The following EGFLAM variants were observed in gnomAD, a reference collection of about 807,000 sequenced individuals.
EGFLAM encodes the protein EGF like, fibronectin type III and laminin G domains, also known as pikachurin.
A neutral mutation model predicts 113.1 loss-of-function variants in EGFLAM; 79 were observed. That is an observed-to-expected ratio of 0.70 (90% CI 0.58 to 0.84). EGFLAM has a LOEUF of 0.84. Among genes scored for constraint, EGFLAM ranks in the 40% least tolerant of loss-of-function variants. The pLI, the probability that EGFLAM is intolerant of heterozygous loss-of-function variation, is 0.00. For synonymous variants in EGFLAM, 504 were observed against 487.6 expected, an observed-to-expected ratio of 1.03 and a Z score of -0.44; for missense variants, 1,265 against 1,291.6, an observed-to-expected ratio of 0.98 and a Z score of 0.32.
intron 1 of EGFLAM, among the ~76,000 whole-genome samples, chr5:38,330,778 T>C (rs955893305): frequency 6.6e-6 from 1 of 152,170 alleles, no homozygotes; most frequent in Non-Finnish European, 1.5e-5. Context: ...TACAAGGGAC[T>C]GATAAATCAT....
intron 13 of EGFLAM, among the ~76,000 whole-genome samples, chr5:38,426,746 A>T: frequency 6.6e-6 from 1 of 152,136 alleles, no homozygotes; most frequent in East Asian, 1.9e-4. Context: ...TCCTCCACTG[A>T]TACTTGCATC....
At chr5:38,395,873 C>T (rs1276565465) in intron 6 of EGFLAM, among the ~76,000 whole-genome samples, 2 of 152,038 alleles carry the variant, frequency 1.3e-5, no homozygotes, top group African/African-American at 2.4e-5. Context: ...GGTTAGTTAC[C>T]CTGTCTCTCC....
chr5:38,462,925 A>G lies in EGFLAM; in HGVS notation c.2789A>G (p.Lys930Arg), dbSNP rs1561110098. Residue 930 changes from lysine (K) to arginine (R), a missense_variant, in exon 21 of 22, where the codon AAG becomes AGG. Coordinates refer to ENST00000322350, the MANE Select transcript of EGFLAM (RefSeq NM_152403.4). ...TTTTGCAGGGATGGCCAGTCAGGAAAGATAACCGTGGATGACTATGGAGCC... is the reference window on the plus strand; with the variant it reads ...TTTTGCAGGGATGGCCAGTCAGGAAGGATAACCGTGGATGACTATGGAGCC... ...VKAVRDGQSG[K>R]ITVDDYGART... 2 of 1,614,170 alleles carry G rather than the reference A, an allele frequency of 1.2e-6. No individual in the cohort carries two copies. The highest frequency in any genetic ancestry group is 2.2e-5 in the East Asian group (1 of 44,886).
intron 1 of EGFLAM, among the ~76,000 whole-genome samples, chr5:38,268,620 C>T (rs1003261460): frequency 6.6e-6 from 1 of 152,160 alleles, no homozygotes; most frequent in African/African-American, 2.4e-5. Flanking sequence ...TTCGTGGCTT[C>T]TTTCCCATGG....
intron 2 of EGFLAM, 36 bp from the exon 3 acceptor site, chr5:38,338,662 G>A (rs370186877): frequency 1.9e-5 from 30 of 1,599,736 alleles, no homozygotes; most frequent in Non-Finnish European, 2.5e-5. Flanking sequence ...ACAAGCACGG[G>A]CTCTGCTCTC....
chr5:38,376,907 G>C (rs1740378908), intron 6 of EGFLAM, among the ~76,000 whole-genome samples: 1 of 152,166 alleles, frequency 6.6e-6, no homozygotes, highest in South Asian at 2.1e-4. Context: ...TTGGGCTCAA[G>C]TGATCTGCCT....
rs1743377199 is a variant in EGFLAM at position 38,463,911 on chromosome 5, G to A, written c.2955G>A (p.Leu985=). 1 of 1,614,104 alleles carries A rather than the reference G, an allele frequency of 6.2e-7. No individual in the cohort carries two copies. Among genetic ancestry groups the A allele is most frequent in the African/African-American group, 1.3e-5 (1 of 74,930 alleles). Residue 985 remains leucine, a synonymous_variant, in exon 22 of 22, where the codon CTG becomes CTA. Coordinates refer to ENST00000322350, the MANE Select transcript of EGFLAM (RefSeq NM_152403.4). ...GLVGCISHFT[L]STDYHISLVE... is the part of the protein sequence containing the mutation. ...TGGGCTGTATCTCTCACTTCACCCT[G>A]TCCACCGATTACCACATTTCCCTCG...
intron 3 of EGFLAM, chr5:38,345,212 C>T (rs914729266): frequency 3.9e-5 from 6 of 152,190 alleles, no homozygotes; most frequent in African/African-American, 1.2e-4. Flanking sequence ...AATCCAGTCT[C>T]ATTGTCTGTA....
chr5:38,402,107 A>G (rs1480349822), intron 6 of EGFLAM: 1 of 152,242 alleles, frequency 6.6e-6, no homozygotes, highest in African/African-American at 2.4e-5. Flanking sequence ...TAGGAGTGGG[A>G]AAAAGATGAC....
chr5:38,448,605 C>G (rs1231370508), intron 18 of EGFLAM, among the ~76,000 whole-genome samples: 1 of 152,114 alleles, frequency 6.6e-6, no homozygotes, highest in East Asian at 1.9e-4. Flanking sequence ...TCAGATAACC[C>G]TGTTACAAAA....
chr5:38,347,481 C>A (rs1739502592), intron 3 of EGFLAM, among the ~76,000 whole-genome samples: 1 of 152,050 alleles, frequency 6.6e-6, no homozygotes, highest in Non-Finnish European at 1.5e-5. Flanking sequence ...GGAGGGGCAC[C>A]TAACCAGACT....
intron 17 of EGFLAM, among the ~76,000 whole-genome samples, chr5:38,441,350 T>C (rs1356584467): frequency 6.6e-6 from 1 of 152,150 alleles, no homozygotes; most frequent in African/African-American, 2.4e-5. Context: ...AGGCATCTTC[T>C]CCACCCCATG....
intron 14 of EGFLAM, among the ~76,000 whole-genome samples, chr5:38,430,386 AG>A (rs534888053): frequency 1.9e-3 from 295 of 152,350 alleles, no homozygotes; most frequent in Non-Finnish European, 3.8e-3. Context: ...ACCCCATTTC[AG>A]GCTCATTGTA....
At chr5:38,291,174 T>C (rs1758320673) in intron 1 of EGFLAM, among the ~76,000 whole-genome samples, 1 of 152,250 alleles carries the variant, frequency 6.6e-6, no homozygotes. Context: ...CACTTAGAGA[T>C]CTTTTTCTGG....
intron 1 of EGFLAM, among the ~76,000 whole-genome samples, chr5:38,270,710 AT>A (rs1237351321): frequency 2.0e-4 from 31 of 152,226 alleles, no homozygotes; most frequent in African/African-American, 7.2e-4. Flanking sequence ...TTCATCTGAA[AT>A]TTAAGGTTCA....
intron 1 of EGFLAM, among the ~76,000 whole-genome samples, chr5:38,318,949 G>A (rs1348413837): frequency 1.3e-5 from 2 of 152,128 alleles, no homozygotes; most frequent in African/African-American, 2.4e-5. Context: ...GGTTCCTGAG[G>A]TTATCTGAGA....
intron 5 of EGFLAM, among the ~76,000 whole-genome samples, chr5:38,368,094 A>T (rs1740110404): frequency 6.6e-6 from 1 of 152,240 alleles, no homozygotes; most frequent in Non-Finnish European, 1.5e-5. Context: ...GAGAATAGAT[A>T]TGGGTTATTT....
chr5:38,324,444 C>G (rs968935134), intron 1 of EGFLAM, among the ~76,000 whole-genome samples: 2 of 152,194 alleles, frequency 1.3e-5, no homozygotes, highest in Admixed American at 6.5e-5. Context: ...GTAAATACAG[C>G]TTCAGATGGG....
intron 12 of EGFLAM, among the ~76,000 whole-genome samples, chr5:38,418,918 A>G (rs1382845229): frequency 2.0e-5 from 3 of 152,218 alleles, no homozygotes; most frequent in African/African-American, 7.2e-5. Flanking sequence ...GGGACTGTCT[A>G]CTAGAGCTGC....
Sources: gnomAD v4.1 joint callset for allele counts (sites outside exome capture counted in the v4.1 genomes callset) on GRCh38, gnomAD v4.1.1 for gene constraint, MANE v1.5 for transcripts, NCBI Gene and HGNC (gene_info 2026-07-23, HGNC 2026-07-21) for gene names.